The following SGK3 variants were observed in gnomAD, a reference collection of about 807,000 sequenced individuals.
The protein encoded by SGK3 is serum/glucocorticoid regulated kinase family member 3, also known as serine/threonine-protein kinase Sgk3.
A neutral mutation model predicts 68.5 loss-of-function variants in SGK3; 47 were observed. That is an observed-to-expected ratio of 0.69 (90% CI 0.54 to 0.87). The LOEUF (loss-of-function observed/expected upper bound fraction) is 0.87. SGK3 is among the 40% of genes least tolerant of loss of function. SGK3 has a pLI of 0.00. For missense variants in SGK3, 479 were observed against 575.5 expected (o/e 0.83, Z 1.72); for synonymous variants, 181 against 189.1 (o/e 0.96, Z 0.35).
intron 2 of SGK3, among the ~76,000 whole-genome samples, chr8:66,797,197 T>C (rs1387696677): frequency 4.6e-5 from 7 of 152,342 alleles, no homozygotes; most frequent in African/African-American, 1.7e-4. Flanking sequence ...CTAAGATCCA[T>C]TCTTCTCACC....
At chr8:66,821,235 T>C (rs2130666924) in intron 5 of SGK3, among the ~76,000 whole-genome samples, 1 of 152,208 alleles carries the variant, frequency 6.6e-6, no homozygotes, top group East Asian at 1.9e-4. Context: ...CCCTTGTTGA[T>C]ACCCACTTTA....
intron 6 of SGK3, among the ~76,000 whole-genome samples, chr8:66,823,576 T>G (rs957775891): frequency 6.6e-6 from 1 of 152,036 alleles, no homozygotes; most frequent in Non-Finnish European, 1.5e-5. Context: ...TTTTGTATTT[T>G]TAGTAGAGAT....
intron 1 of SGK3, among the ~76,000 whole-genome samples, chr8:66,756,977 C>T (rs569970635): frequency 6.6e-6 from 1 of 152,172 alleles, no homozygotes; most frequent in South Asian, 2.1e-4. Flanking sequence ...AACCTTATCA[C>T]GTATAGATCT....
chr8:66,858,962 G>A (rs947150322), intron 16 of SGK3, among the ~76,000 whole-genome samples: 4 of 152,194 alleles, frequency 2.6e-5, no homozygotes, highest in East Asian at 1.9e-4. Context: ...GCAGAAAAGC[G>A]TTTCAAGGGA....
chr8:66,788,768 G>A lies in SGK3; in HGVS notation c.-121-4848G>A, dbSNP rs138113803. ...ACCAGGGAAATCCTAGAAGCCATCA[G>A]TGTAGTGAATCCCTGAACTTTCATG... On this transcript the variant is annotated intron_variant, in intron 1 of 16. Coordinates refer to ENST00000521198, the MANE Select transcript of SGK3 (RefSeq NM_001033578.3). Among the ~76,000 whole-genome samples the A allele has an allele frequency of 2.5e-3, 385 of 152,338 alleles. 1 individual carries two copies. The highest frequency in any genetic ancestry group is 9.0e-3 in the African/African-American group (374 of 41,580).
intron 1 of SGK3, among the ~76,000 whole-genome samples, chr8:66,756,429 A>G (rs932012878): frequency 4.6e-5 from 7 of 152,158 alleles, no homozygotes; most frequent in African/African-American, 1.4e-4. Flanking sequence ...TAGTACTTAC[A>G]AGGACTCACT....
chr8:66,723,396 A>G (rs1804881585), intron 1 of SGK3, among the ~76,000 whole-genome samples: 1 of 151,520 alleles, frequency 6.6e-6, no homozygotes, highest in Non-Finnish European at 1.5e-5. Flanking sequence ...GTGAGCCAAG[A>G]TCACGCCATT....
intron 13 of SGK3, among the ~76,000 whole-genome samples, chr8:66,841,693 T>G (rs1809803307): frequency 6.6e-6 from 1 of 152,204 alleles, no homozygotes; most frequent in Non-Finnish European, 1.5e-5. Flanking sequence ...TGTAACAAAA[T>G]TAAGTGTTTA....
chr8:66,835,106 C>CA (rs1227115329), intron 8 of SGK3, among the ~76,000 whole-genome samples: 2 of 151,570 alleles, frequency 1.3e-5, no homozygotes, highest in African/African-American at 4.8e-5. Context: ...CCCATCTCTA[C>CA]AAAAAATTCA....
At chr8:66,834,331 G>A (rs756459261) in intron 8 of SGK3, among the ~76,000 whole-genome samples, 62 of 152,154 alleles carry the variant, frequency 4.1e-4, no homozygotes, top group Admixed American at 1.0e-3. Flanking sequence ...TTCTAATTAC[G>A]TGAAATTCAA....
At position 66,833,024 on chromosome 8, in the gene SGK3, G is replaced by T. The variant is rs1809367071; in HGVS notation, c.525+1713G>T. 2.7e-5 allele frequency among the ~76,000 whole-genome samples: 4 copies of T among 148,144 alleles called. No individual in the cohort carries two copies. The South Asian group carries it at 8.4e-4, about 31-fold the overall frequency. Reference sequence around the variant, plus strand: ...TAGAATTTTTTTTTTTTTGAAGACAGAGCCTCACTCTGTTCCCAGCCTGGA... The same window carrying T: ...TAGAATTTTTTTTTTTTTGAAGACATAGCCTCACTCTGTTCCCAGCCTGGA... On this transcript the variant is annotated intron_variant, in intron 8 of 16. Transcript: ENST00000521198.
intron 1 of SGK3, among the ~76,000 whole-genome samples, chr8:66,781,081 G>A (rs1563623835): frequency 2.0e-5 from 3 of 152,184 alleles, no homozygotes; most frequent in South Asian, 2.1e-4. Flanking sequence ...CAGCCCTCTA[G>A]GAATTGGCCT....
intron 1 of SGK3, among the ~76,000 whole-genome samples, chr8:66,788,953 A>G (rs1357150107): frequency 2.0e-5 from 3 of 152,166 alleles, no homozygotes; most frequent in Non-Finnish European, 4.4e-5. Context: ...TCTCCAGACT[A>G]TATTATGGCA....
At chr8:66,843,993 CAAAAAAAAAAA>C (rs11311018) in intron 14 of SGK3, among the ~76,000 whole-genome samples, 1 of 71,412 alleles carries the variant, frequency 1.4e-5, no homozygotes. Context: ...GACTCTGTCT[CAAAAAAAAAAA>C]AAAAAAAAAA....
At chr8:66,756,647 A>G (rs1203848541) in intron 1 of SGK3, among the ~76,000 whole-genome samples, 1 of 134,874 alleles carries the variant, frequency 7.4e-6, no homozygotes, top group African/African-American at 2.9e-5. Context: ...TGGTGCGAAT[A>G]TAGCTCACTG....
At chr8:66,769,330 T>G (rs1041770191) in intron 1 of SGK3, among the ~76,000 whole-genome samples, 5 of 152,184 alleles carry the variant, frequency 3.3e-5, no homozygotes, top group African/African-American at 1.2e-4. Context: ...TTCAGGTGAT[T>G]CTCATGCCTC....
chr8:66,800,898 T>A (rs1056583383), intron 3 of SGK3, among the ~76,000 whole-genome samples: 6 of 152,160 alleles, frequency 3.9e-5, no homozygotes, highest in Admixed American at 2.0e-4. Flanking sequence ...GGTAGGAGGA[T>A]CACTTGAGCC....
chr8:66,767,740 G>A, intron 1 of SGK3: 2 of 1,557,652 alleles, frequency 1.3e-6, no homozygotes, highest in Non-Finnish European at 8.9e-7. Context: ...CTTTTTGGCA[G>A]AAAAGCTTGG....
rs1387360438 is a variant in SGK3, at chr8:66,828,774, A to G, written c.467+71A>G. ...AGATCTTTTTTGAGCGTATGCAGAT[A>G]TGTATAATTACACTAATTTAACTGT... On this transcript the variant is annotated intron_variant, in intron 7 of 16. Transcript: ENST00000521198. The G allele has an allele frequency of 3.2e-6, 5 of 1,555,266 alleles. No individual in the cohort carries two copies. In the African/African-American group the frequency reaches 5.4e-5, roughly 17 times the overall value.
Sources: allele counts gnomAD v4.1 joint callset (sites outside exome capture counted in the v4.1 genomes callset), GRCh38; gene constraint gnomAD v4.1.1; transcripts MANE v1.5; gene names NCBI Gene and HGNC (gene_info 2026-07-23, HGNC 2026-07-21).